The following KIF1A variants were observed in gnomAD, a reference collection of about 807,000 sequenced individuals.
The protein encoded by KIF1A is kinesin-like protein KIF1A.
A neutral mutation model predicts 227.3 loss-of-function variants in KIF1A; 46 were observed. That is an observed-to-expected ratio of 0.20 (90% CI 0.16 to 0.26). The LOEUF is 0.26. Among genes scored for constraint, KIF1A ranks in the 10% least tolerant of loss-of-function variants. KIF1A has a pLI of 1.00. For missense variants in KIF1A, 1,683 were observed against 2,485.9 expected (o/e 0.68, Z 6.87); for synonymous variants, 1,022 against 1,012.8 (o/e 1.01, Z -0.17).
Position 240,783,125 on chromosome 2 carries a change from A to G in KIF1A, c.799-16T>C. On this transcript the variant is annotated splice_polypyrimidine_tract_variant and intron_variant, in intron 8 of 48. Transcript: ENST00000498729. ...TGGCCCCCTCCTGCGGGCAGAAAAG[A>G]CAGTGGGGTTGGGATGCTGGGGACC... 1 of 1,610,830 alleles carries G rather than the reference A, an allele frequency of 6.2e-7. No homozygotes were observed. The highest frequency in any genetic ancestry group is 8.5e-7 in the Non-Finnish European group (1 of 1,177,164).
At position 240,717,116 on chromosome 2, in the gene KIF1A, C is replaced by G. The variant is rs911386347; in HGVS notation, c.*248G>C. 6 of 472,644 alleles carry G rather than the reference C, an allele frequency of 1.3e-5. No individual in the cohort carries two copies. The highest frequency in any genetic ancestry group is 2.3e-5 in the Non-Finnish European group (6 of 266,208). 29.3% of individuals were successfully genotyped at this position (472,644 alleles called of 1,614,324 possible). A position where few individuals can be genotyped will look rare whatever the true frequency, so the allele number is the denominator to read the frequency against. On this transcript the variant is annotated 3_prime_UTR_variant, in exon 49 of 49. Coordinates refer to ENST00000498729, the MANE Select transcript of KIF1A (RefSeq NM_001244008.2). The stretch of plus-strand genomic sequence containing the variant: ...AACCCCCGTAACCTGTGCCCTTGGC[C>G]CCCCCAGCCTCTCCCAACTTGTTCC...
intron 41 of KIF1A, 140 bp from the exon 42 acceptor site, chr2:240,723,698 G>A: frequency 9.5e-7 from 1 of 1,056,652 alleles, no homozygotes; most frequent in Non-Finnish European, 1.4e-6. Context: ...TCCACCCTGG[G>A]GCCCAAAGAG....
Position 240,733,568 on chromosome 2 carries a change from G to T in KIF1A, c.4007+3495C>A, listed in dbSNP as rs574572135. Among the ~76,000 whole-genome samples, 6 of 152,318 alleles carry T rather than the reference G, an allele frequency of 3.9e-5. No homozygotes were observed. The East Asian group carries it at 1.2e-3, about 29-fold the overall frequency. On this transcript the variant is annotated intron_variant, in intron 38 of 48. Transcript: ENST00000498729. Reference sequence around the variant, plus strand: ...GTGCTCAAGGGACCATGCCAATGGGGACTCTGGCCCGGCCACCCCTGGGCA... The same window carrying T: ...GTGCTCAAGGGACCATGCCAATGGGTACTCTGGCCCGGCCACCCCTGGGCA...
Position 240,718,168 on chromosome 2 carries a change from T to C in KIF1A, c.5215A>G (p.Thr1739Ala). 6.3e-7 allele frequency: 1 copy of C among 1,596,178 alleles called. No individual in the cohort carries two copies. The highest frequency in any genetic ancestry group is 8.5e-7 in the Non-Finnish European group (1 of 1,170,976). ...YSEDQQAMLK[T>A]PNTFAVCTEH... is the part of the protein sequence containing the mutation. Reference sequence around the variant, plus strand: ...GTGCACACCGCGAATGTGTTGGGTGTCTGCAGAGGGAGGCAGCTGGTGAGG... The same window carrying C: ...GTGCACACCGCGAATGTGTTGGGTGCCTGCAGAGGGAGGCAGCTGGTGAGG... Residue 1739 changes from threonine to alanine, a missense_variant and splice_region_variant, in exon 48 of 49, where the codon ACA (threonine) becomes GCA (alanine). Coordinates refer to ENST00000498729, the MANE Select transcript of KIF1A (RefSeq NM_001244008.2).
chr2:240,769,777 T>C, intron 15 of KIF1A, 71 bp from the exon 16 acceptor site: 1 of 1,311,138 alleles, frequency 7.6e-7, no homozygotes, highest in Non-Finnish European at 1.1e-6. Context: ...GAGACACGGG[T>C]GCCAGGAGAA....
chr2:240,737,389 C>T (rs971562273), intron 37 of KIF1A: 25 of 478,734 alleles, frequency 5.2e-5, no homozygotes, highest in Middle Eastern at 5.8e-4. Context: ...GTCTGTCTCT[C>T]GGCCACAGTG....
chr2:240,742,010 A>C (rs981503183), intron 34 of KIF1A, among the ~76,000 whole-genome samples: 2 of 152,160 alleles, frequency 1.3e-5, no homozygotes, highest in African/African-American at 4.8e-5. Context: ...ATGGATCTAC[A>C]GGTCTTTCTT....
chr2:240,735,205 G>A (rs1347148662), intron 38 of KIF1A, among the ~76,000 whole-genome samples: 2 of 152,170 alleles, frequency 1.3e-5, no homozygotes, highest in East Asian at 3.9e-4. Flanking sequence ...GGGAGGCCGC[G>A]CCCACGCAAC....
At position 240,775,972 on chromosome 2, in the gene KIF1A, G is replaced by T; in HGVS notation, c.883-46C>A. The T allele has an allele frequency of 7.5e-7, 1 of 1,326,838 alleles. No homozygotes were observed. Among genetic ancestry groups the T allele is most frequent in the Non-Finnish European group, 1.1e-6 (1 of 919,730 alleles). 82.2% of individuals were successfully genotyped at this position (1,326,838 alleles called of 1,614,324 possible). Reference sequence around the variant, plus strand: ...AGGTCAAGCCCGAGCCCACTGCAGAGGAAGCGAAAGGGAGGGGCCAGCGCA... The same window carrying T: ...AGGTCAAGCCCGAGCCCACTGCAGATGAAGCGAAAGGGAGGGGCCAGCGCA... On this transcript the variant is annotated intron_variant, in intron 10 of 48. Coordinates refer to ENST00000498729, the MANE Select transcript of KIF1A (RefSeq NM_001244008.2). This position sits in a 1 kb window ranked among gnomAD's most constrained non-coding sequence, Gnocchi z 5.5.
intron 2 of KIF1A, among the ~76,000 whole-genome samples, chr2:240,796,808 C>T (rs2056449189): frequency 6.6e-6 from 1 of 152,174 alleles, no homozygotes; most frequent in African/African-American, 2.4e-5. Flanking sequence ...AGAACACCCC[C>T]AGTGACACCT....
rs113680754 is a variant in KIF1A at position 240,743,911 on chromosome 2, A to G, written c.3584+31T>C. On this transcript the variant is annotated intron_variant, in intron 33 of 48. Transcript: ENST00000498729. The stretch of plus-strand genomic sequence containing the variant: ...TCTGGGCAGGGGCTTTGAGGACAGC[A>G]GCCCCGAACCCCCCGACCCAGGGCG... The G allele has an allele frequency of 7.1e-6, 10 of 1,412,006 alleles. No individual in the cohort carries two copies. In the African/African-American group the frequency reaches 9.9e-5, roughly 14 times the overall value. 87.5% of individuals were successfully genotyped at this position (1,412,006 alleles called of 1,614,324 possible).
chr2:240,759,245 TTGGGGGGCACTGCAGGC>T (rs1289621715), intron 25 of KIF1A, among the ~76,000 whole-genome samples: 1 of 152,080 alleles, frequency 6.6e-6, no homozygotes, highest in Non-Finnish European at 1.5e-5. Context: ...TTTGACTTCC[TTGGGGGGCACTGCAGGC>T]TGGGGAGGGC....
In KIF1A at chr2:240,788,287, C is replaced by T; in HGVS notation, c.184-57G>A. The T allele has an allele frequency of 6.5e-7, 1 of 1,548,674 alleles. No homozygotes were observed. Among genetic ancestry groups the T allele is most frequent in the Admixed American group, 1.7e-5 (1 of 58,196 alleles). On this transcript the variant is annotated intron_variant, in intron 3 of 48. Coordinates refer to ENST00000498729, the MANE Select transcript of KIF1A (RefSeq NM_001244008.2). The surrounding 1 kb of genome is among the most constrained non-coding windows in gnomAD (Gnocchi z 6.6). ...AGGCTGGGTGCATCCGAGGCTCAGC[C>T]CATCATGTCTGCGGAGCCAGGGGAT...
chr2:240,777,460 C>A (rs1208712795), intron 10 of KIF1A, among the ~76,000 whole-genome samples: 1 of 152,200 alleles, frequency 6.6e-6, no homozygotes, highest in Admixed American at 6.5e-5. Flanking sequence ...AGGAGCCCAG[C>A]AGCCCCCTGG....
At position 240,725,098 on chromosome 2, in the gene KIF1A, C is replaced by A. The variant is rs2045863887; in HGVS notation, c.4256+173G>T. 6.6e-6 allele frequency among the ~76,000 whole-genome samples: 1 copy of A among 152,056 alleles called. No individual in the cohort carries two copies. Among genetic ancestry groups the A allele is most frequent in the African/African-American group, 2.4e-5 (1 of 41,416 alleles). ...GGAACCATGGCCTCCACAGAGTCTTCATCTAGGGTGAGCAGGAGGGGACTG... is the reference window on the plus strand; with the variant it reads ...GGAACCATGGCCTCCACAGAGTCTTAATCTAGGGTGAGCAGGAGGGGACTG... On this transcript the variant is annotated intron_variant, in intron 40 of 48. Coordinates refer to ENST00000498729, the MANE Select transcript of KIF1A (RefSeq NM_001244008.2). This position sits in a 1 kb window ranked among gnomAD's most constrained non-coding sequence, Gnocchi z 5.8.
At chr2:240,761,651 G>T (rs951856530) in intron 23 of KIF1A, among the ~76,000 whole-genome samples, 3 of 152,142 alleles carry the variant, frequency 2.0e-5, no homozygotes, top group Non-Finnish European at 4.4e-5. Context: ...CTCTGTGCTT[G>T]CCCCCCACCC....
Position 240,761,131 on chromosome 2 carries a change from C to T in KIF1A, c.2265+98G>A. 3 of 1,405,400 alleles carry T rather than the reference C, an allele frequency of 2.1e-6. No homozygotes were observed. The Admixed American group carries it at 5.8e-5, about 27-fold the overall frequency. The allele number at this position is 1,405,400 out of a possible 1,614,324, so 87.1% of individuals were successfully genotyped here. A position where few individuals can be genotyped will look rare whatever the true frequency, so the allele number is the denominator to read the frequency against. Reference sequence around the variant, plus strand: ...GCTGCTATGCCACCCCCGGGGCCGGCAGAGAGCCAAGTGCTGAGTCCCAAG... The same window carrying T: ...GCTGCTATGCCACCCCCGGGGCCGGTAGAGAGCCAAGTGCTGAGTCCCAAG... On this transcript the variant is annotated intron_variant, in intron 24 of 48. Coordinates refer to ENST00000498729, the MANE Select transcript of KIF1A (RefSeq NM_001244008.2).
At chr2:240,750,119 T>A (rs1365408935) in intron 28 of KIF1A, among the ~76,000 whole-genome samples, 2 of 152,256 alleles carry the variant, frequency 1.3e-5, no homozygotes, top group African/African-American at 4.8e-5. Flanking sequence ...CAGATGGCAC[T>A]GGGCTCAGCC....
At chr2:240,785,161 G>A (rs554503114) in intron 6 of KIF1A, 61 bp from the exon 7 acceptor site, 31 of 1,358,638 alleles carry the variant, frequency 2.3e-5, no homozygotes, top group Admixed American at 8.6e-5. Flanking sequence ...CGAGATCGCC[G>A]GTGGTGCCAG....
Sources: gnomAD v4.1 joint callset for allele counts (sites outside exome capture counted in the v4.1 genomes callset) on GRCh38, gnomAD v4.1.1 for gene constraint, Gnocchi (gnomAD v3.1) non-coding constraint, MANE v1.5 for transcripts, NCBI Gene and HGNC (gene_info 2026-07-23, HGNC 2026-07-21) for gene names.